Variants in KIF2A observed in about 807,000 individuals in gnomAD.
The protein encoded by KIF2A is kinesin-like protein KIF2A.
In KIF2A, 22 loss-of-function variants were observed where a neutral mutation model predicts 100.2. That is an observed-to-expected ratio of 0.22 (90% CI 0.16 to 0.31). The LOEUF (loss-of-function observed/expected upper bound fraction) is 0.31, where lower values mean the gene tolerates loss of function less well. Ranked by LOEUF, KIF2A falls within the 10% of genes least tolerant of loss-of-function variation. KIF2A has a pLI of 1.00. For missense variants in KIF2A, 495 were observed against 898.7 expected, an observed-to-expected ratio of 0.55 and a Z score of 5.74; for synonymous variants, 268 against 285.9, an observed-to-expected ratio of 0.94 and a Z score of 0.63.
At chr5:62,329,552 T>G (rs936929096) in intron 1 of KIF2A, among the ~76,000 whole-genome samples, 1 of 152,226 alleles carries the variant, frequency 6.6e-6, no homozygotes, top group African/African-American at 2.4e-5. Flanking sequence ...TAAATTGACA[T>G]TTACTGTTAG....
intron 20 of KIF2A, among the ~76,000 whole-genome samples, chr5:62,381,738 AT>A (rs377306007): frequency 3.9e-5 from 6 of 151,976 alleles, no homozygotes; most frequent in African/African-American, 1.5e-4. Context: ...CTAATTTTTA[AT>A]TTTTTGTAGA....
Position 62,373,025 on chromosome 5 carries a change from T to C in KIF2A, c.1760+474T>C, listed in dbSNP as rs575738987. 1.7e-3 allele frequency among the ~76,000 whole-genome samples: 255 copies of C among 151,786 alleles called. 1 individual carries two copies. The highest frequency in any genetic ancestry group is 2.7e-3 in the Admixed American group (41 of 15,230). On this transcript the variant is annotated intron_variant, in intron 17 of 20. Coordinates refer to ENST00000407818, the MANE Select transcript of KIF2A (RefSeq NM_001098511.3). ...GCGGAGGCTGGTGGATCACCTGAGG[T>C]TGAGAATTCCAGACCAACCTGGCCA...
chr5:62,312,355 G>T (rs1745594353), intron 1 of KIF2A, among the ~76,000 whole-genome samples: 1 of 152,226 alleles, frequency 6.6e-6, no homozygotes, highest in Non-Finnish European at 1.5e-5. Flanking sequence ...GGGCAAGAGT[G>T]TGGAAAATCC....
At chr5:62,357,550 G>T in intron 7 of KIF2A, 141 bp from the exon 8 acceptor site, 1 of 475,000 alleles carries the variant, frequency 2.1e-6, no homozygotes, top group South Asian at 4.0e-5. Context: ...TTTGTGCAAA[G>T]CTAATTTGTT....
At chr5:62,338,189 GA>G (rs1168542201) in intron 1 of KIF2A, among the ~76,000 whole-genome samples, 1 of 152,166 alleles carries the variant, frequency 6.6e-6, no homozygotes, top group Non-Finnish European at 1.5e-5. Context: ...AAGTAGAGGG[GA>G]AAGGGAATTT....
rs112359301 is a variant in KIF2A at position 62,331,387 on chromosome 5, G to A, written c.65-15743G>A. 3.1e-3 allele frequency among the ~76,000 whole-genome samples: 478 copies of A among 151,826 alleles called. 4 individuals are homozygous for A. Among genetic ancestry groups the A allele is most frequent in the African/African-American group, 0.011 (456 of 41,368 alleles). ...GATCGTGCCATTGCACTCCAGCTTG[G>A]GCAACAAGAGCAAGACTATGTCTAA... On this transcript the variant is annotated intron_variant, in intron 1 of 20. Coordinates refer to ENST00000407818, the MANE Select transcript of KIF2A (RefSeq NM_001098511.3).
intron 1 of KIF2A, among the ~76,000 whole-genome samples, chr5:62,314,177 T>C (rs1282444002): frequency 1.3e-5 from 2 of 152,066 alleles, no homozygotes; most frequent in African/African-American, 4.8e-5. Flanking sequence ...TACTTGTAAA[T>C]AGAGACTGGC....
chr5:62,372,427 T>G lies in KIF2A; in HGVS notation c.1647-11T>G. On this transcript the variant is annotated splice_polypyrimidine_tract_variant and intron_variant, in intron 16 of 20. Transcript: ENST00000407818. The stretch of plus-strand genomic sequence containing the variant: ...ATTTTCTTTTAATTTGTTGCTCTTT[T>G]GGTGCTGCAGAGTAAAGGAGTTTGG... 6.8e-7 allele frequency: 1 copy of G among 1,476,482 alleles called. No homozygotes were observed. Among genetic ancestry groups the G allele is most frequent in the Non-Finnish European group, 9.4e-7 (1 of 1,059,212 alleles). 91.5% of individuals were successfully genotyped at this position (1,476,482 alleles called of 1,614,324 possible).
intron 3 of KIF2A, among the ~76,000 whole-genome samples, chr5:62,349,855 C>G (rs1228147373): frequency 6.6e-6 from 1 of 151,972 alleles, no homozygotes; most frequent in Non-Finnish European, 1.5e-5. Flanking sequence ...CATATTAATT[C>G]CTGAATATTT....
At chr5:62,309,028 T>G (rs755927291) in intron 1 of KIF2A, among the ~76,000 whole-genome samples, 1 of 152,170 alleles carries the variant, frequency 6.6e-6, no homozygotes, top group Non-Finnish European at 1.5e-5. Context: ...TTTAAAAAAT[T>G]AGGGTGCAAT....
In KIF2A at chr5:62,307,730, G is replaced by A. The variant is rs563993445; in HGVS notation, c.64+1194G>A. Among the ~76,000 whole-genome samples, 4 of 151,344 alleles carry A rather than the reference G, an allele frequency of 2.6e-5. No homozygotes were observed. In the South Asian group the frequency reaches 8.4e-4, roughly 32 times the overall value. On this transcript the variant is annotated intron_variant, in intron 1 of 20. Transcript: ENST00000407818. Reference sequence around the variant, plus strand: ...CCTCCCGTGTTGAAGCTATTCTTGTGCCTCAGCCTCCTGAGTAGCTGGGAT... The same window carrying A: ...CCTCCCGTGTTGAAGCTATTCTTGTACCTCAGCCTCCTGAGTAGCTGGGAT...
intron 1 of KIF2A, among the ~76,000 whole-genome samples, chr5:62,314,764 T>TG (rs1293765934): frequency 1.4e-5 from 2 of 146,488 alleles, no homozygotes; most frequent in African/African-American, 2.5e-5. Flanking sequence ...AACTGTTTTT[T>TG]TTTTTTTTTT....
chr5:62,322,481 A>G (rs1408067670), intron 1 of KIF2A, among the ~76,000 whole-genome samples: 1 of 152,158 alleles, frequency 6.6e-6, no homozygotes, highest in East Asian at 1.9e-4. Flanking sequence ...ATGTCCTACT[A>G]CTTATGTAGG....
intron 1 of KIF2A, among the ~76,000 whole-genome samples, chr5:62,313,247 T>C (rs779338056): frequency 2.0e-5 from 3 of 152,200 alleles, no homozygotes; most frequent in Non-Finnish European, 4.4e-5. Flanking sequence ...TTTGTTAGAC[T>C]CTTGAAGTTA....
chr5:62,326,066 C>T lies in KIF2A; in HGVS notation c.64+19530C>T, dbSNP rs563110486. On this transcript the variant is annotated intron_variant, in intron 1 of 20. Coordinates refer to ENST00000407818, the MANE Select transcript of KIF2A (RefSeq NM_001098511.3). ...ATGGGATCATTTGTATACCAAACCT[C>T]GGTGACATGCAATTTACTCATGTAA... is the stretch of plus-strand genomic sequence containing the variant. 4.3e-4 allele frequency among the ~76,000 whole-genome samples: 66 copies of T among 152,180 alleles called. 1 individual carries two copies. The highest frequency in any genetic ancestry group is 8.5e-4 in the Admixed American group (13 of 15,280).
chr5:62,363,130 T>A, intron 12 of KIF2A, 48 bp from the exon 13 acceptor site: 1 of 1,505,512 alleles, frequency 6.6e-7, no homozygotes, highest in Non-Finnish European at 9.0e-7. Context: ...ACCTAGCCTG[T>A]TTTTTACTTT....
intron 7 of KIF2A, among the ~76,000 whole-genome samples, chr5:62,357,434 C>G (rs981713691): frequency 6.6e-6 from 1 of 152,118 alleles, no homozygotes; most frequent in African/African-American, 2.4e-5. Flanking sequence ...TAGTAGTACC[C>G]TCTACAGAAT....
Position 62,389,138 on chromosome 5 carries a change from A to G in KIF2A, c.*3569A>G. On this transcript the variant is annotated 3_prime_UTR_variant, in exon 21 of 21. Coordinates refer to ENST00000407818, the MANE Select transcript of KIF2A (RefSeq NM_001098511.3). Reference sequence around the variant, plus strand: ...TATAGTTCTATACCATTAATACTAAAACATGAATACAGCATGCTTACAGAG... The same window carrying G: ...TATAGTTCTATACCATTAATACTAAGACATGAATACAGCATGCTTACAGAG... 8.5e-7 allele frequency: 1 copy of G among 1,169,812 alleles called. No individual in the cohort carries two copies. The allele number at this position is 1,169,812 out of a possible 1,614,324, so 72.5% of individuals were successfully genotyped here. A position where few individuals can be genotyped will look rare whatever the true frequency, so the allele number is the denominator to read the frequency against.
intron 4 of KIF2A, among the ~76,000 whole-genome samples, chr5:62,350,754 A>G (rs927631805): frequency 4.0e-5 from 6 of 151,850 alleles, no homozygotes; most frequent in Non-Finnish European, 8.8e-5. Flanking sequence ...TCTACTAAAA[A>G]TACAAAAAAT....
Sources: allele counts gnomAD v4.1 joint callset (sites outside exome capture counted in the v4.1 genomes callset), GRCh38; gene constraint gnomAD v4.1.1; transcripts MANE v1.5; gene names NCBI Gene and HGNC (gene_info 2026-07-23, HGNC 2026-07-21).